PPARGC1A: variants seen among roughly 807,000 people sequenced by gnomAD.
PPARGC1A encodes the protein PPARG coactivator 1 alpha.
A neutral mutation model predicts 88.7 loss-of-function variants in PPARGC1A; 25 were observed. The ratio of observed to expected loss-of-function variants is 0.28; its 90% CI spans 0.21 to 0.39. PPARGC1A has a LOEUF of 0.39. Ranked by LOEUF, PPARGC1A falls within the 10% of genes least tolerant of loss-of-function variation. The pLI is 1.00. For synonymous variants in PPARGC1A, 363 were observed against 355.6 expected (o/e 1.02, Z -0.24); for missense variants, 880 against 968.7 (o/e 0.91, Z 1.22).
chr4:24,002,093 CACACAGAGAGAG>C, the PPARGC1A span, among the ~76,000 whole-genome samples: 73 of 135,778 alleles, frequency 5.4e-4, no homozygotes, highest in African/African-American at 2.1e-3. Context: ...CACACACACA[CACACAGAGAGAG>C]AGAGAGAGAG....
the PPARGC1A span, among the ~76,000 whole-genome samples, chr4:24,159,206 CTTTTTTTTTTTTT>C: frequency 9.1e-6 from 1 of 109,854 alleles, no homozygotes; most frequent in Non-Finnish European, 1.8e-5. Context: ...GGAAATTAAC[CTTTTTTTTTTTTT>C]TTTTTTTTTT....
the PPARGC1A span, among the ~76,000 whole-genome samples, chr4:24,322,283 G>A: frequency 6.6e-6 from 1 of 152,254 alleles, no homozygotes. Context: ...CCGAGTTGAA[G>A]AGTATTTTTT....
At chr4:24,350,392 T>G in the PPARGC1A span, among the ~76,000 whole-genome samples, 1 of 152,236 alleles carries the variant, frequency 6.6e-6, no homozygotes, top group African/African-American at 2.4e-5. Flanking sequence ...AAAAAACTTT[T>G]TTTTTGATAT....
At chr4:23,909,371 C>T in the PPARGC1A span, among the ~76,000 whole-genome samples, 4 of 151,934 alleles carry the variant, frequency 2.6e-5, no homozygotes, top group Admixed American at 1.3e-4. Context: ...TGCTGGATGC[C>T]CTAATCATGA....
At chr4:24,056,239 G>C in the PPARGC1A span, among the ~76,000 whole-genome samples, 348 of 152,212 alleles carry the variant, frequency 2.3e-3, 1 homozygote, top group African/African-American at 8.1e-3. Flanking sequence ...TACTCTCTGG[G>C]CTATCAATTC....
chr4:24,220,640 G>A, the PPARGC1A span, among the ~76,000 whole-genome samples: 1 of 152,140 alleles, frequency 6.6e-6, no homozygotes, highest in African/African-American at 2.4e-5. Flanking sequence ...ATGAAATAAT[G>A]CACGTTCTCA....
intron 2 of PPARGC1A, among the ~76,000 whole-genome samples, chr4:23,863,000 G>A (rs1283186616): frequency 6.6e-6 from 1 of 152,042 alleles, no homozygotes; most frequent in Non-Finnish European, 1.5e-5. Context: ...CCTGAAACAT[G>A]TCCTCTTCTC....
At chr4:24,294,938 G>A in the PPARGC1A span, among the ~76,000 whole-genome samples, 1 of 152,104 alleles carries the variant, frequency 6.6e-6, no homozygotes, top group Admixed American at 6.6e-5. Flanking sequence ...ACTCTCCATG[G>A]CCCTCTGTGG....
chr4:23,932,057 A>AT, the PPARGC1A span, among the ~76,000 whole-genome samples: 83 of 152,350 alleles, frequency 5.4e-4, no homozygotes, highest in African/African-American at 1.6e-3. Context: ...AGGAGTTGCC[A>AT]TAGTGGTGGT....
the PPARGC1A span, among the ~76,000 whole-genome samples, chr4:24,438,011 A>G: frequency 6.6e-6 from 1 of 152,134 alleles, no homozygotes; most frequent in African/African-American, 2.4e-5. Context: ...TGGCAGGCCC[A>G]TGCTCATTCT....
At chr4:24,174,364 G>A in the PPARGC1A span, among the ~76,000 whole-genome samples, 9 of 152,120 alleles carry the variant, frequency 5.9e-5, no homozygotes, top group South Asian at 2.1e-4. Flanking sequence ...GGCATCTTCC[G>A]AAACATCTCA....
chr4:24,291,045 G>T, the PPARGC1A span, among the ~76,000 whole-genome samples: 1 of 152,028 alleles, frequency 6.6e-6, no homozygotes, highest in African/African-American at 2.4e-5. Flanking sequence ...CTCCTCTCTG[G>T]TTAGCCCTTA....
chr4:24,032,897 C>T, the PPARGC1A span, among the ~76,000 whole-genome samples: 3 of 152,324 alleles, frequency 2.0e-5, no homozygotes, highest in South Asian at 2.1e-4. Context: ...CTAAGTCGCA[C>T]ACACCCTTAG....
chr4:24,392,559 C>A, the PPARGC1A span, among the ~76,000 whole-genome samples: 1 of 152,172 alleles, frequency 6.6e-6, no homozygotes, highest in Non-Finnish European at 1.5e-5. Flanking sequence ...ATTTTTATCA[C>A]CTTCCCTTCT....
the PPARGC1A span, among the ~76,000 whole-genome samples, chr4:24,231,488 T>C: frequency 6.6e-6 from 1 of 152,082 alleles, no homozygotes; most frequent in Non-Finnish European, 1.5e-5. Context: ...AGGCCCAGAG[T>C]GACTCATCCC....
At chr4:24,291,253 T>C in the PPARGC1A span, among the ~76,000 whole-genome samples, 2,554 of 152,306 alleles carry the variant, frequency 0.017, 66 homozygotes, top group African/African-American at 0.058. Flanking sequence ...ACTGCCCATT[T>C]AACACTCTCT....
At chr4:24,135,691 G>A in the PPARGC1A span, among the ~76,000 whole-genome samples, 2 of 152,176 alleles carry the variant, frequency 1.3e-5, no homozygotes, top group Non-Finnish European at 2.9e-5. Flanking sequence ...TCATCTGTTA[G>A]TAATAGAACT....
intron 1 of PPARGC1A, chr4:23,889,404 A>G (rs1577670462): frequency 1.0e-6 from 1 of 981,068 alleles, no homozygotes; most frequent in Non-Finnish European, 1.2e-6. Context: ...CAGCAGGATT[A>G]TTTAGGATTT....
At chr4:23,825,871 CTAATA>C (rs1483865315) in intron 5 of PPARGC1A, among the ~76,000 whole-genome samples, 2 of 151,936 alleles carry the variant, frequency 1.3e-5, no homozygotes, top group African/African-American at 4.8e-5. Flanking sequence ...TTGAGTATGT[CTAATA>C]TAACAAGTTT....
Sources: gnomAD v4.1 joint callset for allele counts (sites outside exome capture counted in the v4.1 genomes callset) on GRCh38, gnomAD v4.1.1 for gene constraint, MANE v1.5 for transcripts, NCBI Gene and HGNC (gene_info 2026-07-23, HGNC 2026-07-21) for gene names.